SFMBT2: variants seen among roughly 807,000 people sequenced by gnomAD.
SFMBT2 encodes the protein scm-like with four MBT domains protein 2.
In SFMBT2, 38 loss-of-function variants were observed where a neutral mutation model predicts 110.1. The ratio of observed to expected loss-of-function variants is 0.35; its 90% confidence interval spans 0.27 to 0.45. The LOEUF is 0.45. Ranked by LOEUF, SFMBT2 falls within the 20% of genes least tolerant of loss-of-function variation. The pLI is 1.00. For synonymous variants in SFMBT2, 425 were observed against 425.4 expected, an observed-to-expected ratio of 1.00 and a Z score of 0.01; for missense variants, 1,011 against 1,094.9, an observed-to-expected ratio of 0.92 and a Z score of 1.08.
At chr10:7,359,224 C>T (rs763606490) in intron 4 of SFMBT2, among the ~76,000 whole-genome samples, 3 of 152,322 alleles carry the variant, frequency 2.0e-5, no homozygotes, top group South Asian at 2.1e-4. Flanking sequence ...TCATTCAGGA[C>T]GTTCAAAGGT....
chr10:7,259,867 T>C (rs12221452), intron 7 of SFMBT2, among the ~76,000 whole-genome samples: 81,572 of 151,646 alleles, frequency 0.54, 23,109 homozygotes, highest in East Asian at 0.84. Context: ...AACTGGAAAT[T>C]CACACTTACA....
chr10:7,221,930 C>T (rs1405356116), intron 10 of SFMBT2, among the ~76,000 whole-genome samples: 1 of 152,126 alleles, frequency 6.6e-6, no homozygotes, highest in Non-Finnish European at 1.5e-5. Context: ...GGTAATTAGT[C>T]CCTCCAAAGC....
chr10:7,307,357 G>C (rs1449725940), intron 4 of SFMBT2, among the ~76,000 whole-genome samples: 1 of 152,140 alleles, frequency 6.6e-6, no homozygotes, highest in African/African-American at 2.4e-5. Flanking sequence ...AAAATTATAT[G>C]GAAGTAAAGT....
intron 4 of SFMBT2, among the ~76,000 whole-genome samples, chr10:7,359,171 G>A (rs574175313): frequency 6.6e-6 from 1 of 152,380 alleles, no homozygotes; most frequent in East Asian, 1.9e-4. Flanking sequence ...CCTTGTCTGT[G>A]TAAAGCTGCC....
At chr10:7,228,770 CT>C (rs1564395557) in intron 9 of SFMBT2, among the ~76,000 whole-genome samples, 5 of 135,100 alleles carry the variant, frequency 3.7e-5, no homozygotes, top group South Asian at 3.0e-4. Flanking sequence ...CTCTCTCTCT[CT>C]CTCTCTCTCT....
At chr10:7,352,075 G>A (rs992038106) in intron 4 of SFMBT2, among the ~76,000 whole-genome samples, 2 of 152,052 alleles carry the variant, frequency 1.3e-5, no homozygotes, top group Non-Finnish European at 2.9e-5. Context: ...GCAGGCCTGA[G>A]GCCCTAGCTC....
Position 7,170,898 on chromosome 10 carries a change from C to T in SFMBT2, c.2544+30G>A. The T allele has an allele frequency of 6.2e-7, 1 of 1,613,850 alleles. No individual in the cohort carries two copies. Among genetic ancestry groups the T allele is most frequent in the Non-Finnish European group, 8.5e-7 (1 of 1,179,876 alleles). On this transcript the variant is annotated intron_variant, in intron 20 of 20. Transcript: ENST00000397167. This position sits in a 1 kb window ranked among gnomAD's most constrained non-coding sequence, Gnocchi z 4.6. ...TTTCAGATGCAGAGTCTCAGCACAT[C>T]AAACAATCGACACGCGGCAACCACC...
chr10:7,316,898 AC>A (rs1361578899), intron 4 of SFMBT2, among the ~76,000 whole-genome samples: 16 of 152,052 alleles, frequency 1.1e-4, no homozygotes, highest in African/African-American at 3.6e-4. Flanking sequence ...ACACACACAC[AC>A]ATGCAAACCA....
intron 4 of SFMBT2, among the ~76,000 whole-genome samples, chr10:7,289,405 CA>C (rs1842197716): frequency 6.6e-6 from 1 of 152,188 alleles, no homozygotes; most frequent in African/African-American, 2.4e-5. Context: ...GAAGTCACTG[CA>C]CAATGCTGAA....
At chr10:7,382,971 C>T (rs1013554667) in intron 1 of SFMBT2, among the ~76,000 whole-genome samples, 3 of 152,246 alleles carry the variant, frequency 2.0e-5, no homozygotes, top group Non-Finnish European at 2.9e-5. Context: ...TACCTGGCTC[C>T]GATGCTCAGA....
At chr10:7,373,353 A>C (rs1331697940) in intron 2 of SFMBT2, among the ~76,000 whole-genome samples, 2 of 152,238 alleles carry the variant, frequency 1.3e-5, no homozygotes, top group African/African-American at 2.4e-5. Flanking sequence ...CACCAGAATC[A>C]GGAGTTGAAT....
At chr10:7,236,054 G>A (rs1205571323) in intron 9 of SFMBT2, among the ~76,000 whole-genome samples, 1 of 152,020 alleles carries the variant, frequency 6.6e-6, no homozygotes, top group African/African-American at 2.4e-5. Context: ...AGTTTAGAAA[G>A]GTAGCTAGAT....
intron 4 of SFMBT2, among the ~76,000 whole-genome samples, chr10:7,305,019 C>T (rs1842652756): frequency 6.6e-6 from 1 of 152,188 alleles, no homozygotes; most frequent in Non-Finnish European, 1.5e-5. Flanking sequence ...GCATCAGCTC[C>T]TAGCTCAGAG....
chr10:7,278,245 G>T (rs891487680), intron 6 of SFMBT2, among the ~76,000 whole-genome samples: 3 of 152,184 alleles, frequency 2.0e-5, no homozygotes, highest in African/African-American at 4.8e-5. Context: ...CACTTCTGTG[G>T]AGACTGAAAG....
At chr10:7,190,150 C>T (rs999534707) in intron 15 of SFMBT2, among the ~76,000 whole-genome samples, 8 of 151,978 alleles carry the variant, frequency 5.3e-5, no homozygotes, top group African/African-American at 1.7e-4. Context: ...ATGTGGCTTG[C>T]CAAGGTGCTA....
intron 12 of SFMBT2, chr10:7,202,840 C>G: frequency 4.1e-6 from 4 of 985,366 alleles, no homozygotes; most frequent in Non-Finnish European, 4.8e-6. Context: ...ATGTTCAGAT[C>G]AATTGTTGCA....
At position 7,161,610 on chromosome 10, in the gene SFMBT2, T is replaced by C. The variant is rs1464078877; in HGVS notation, c.*2160A>G. 2 of 152,118 alleles carry C rather than the reference T, an allele frequency of 1.3e-5. No individual in the cohort carries two copies. The highest frequency in any genetic ancestry group is 4.8e-5 in the African/African-American group (2 of 41,398). The allele number at this position is 152,118 out of a possible 1,614,324, so 9.4% of individuals were successfully genotyped here. On this transcript the variant is annotated 3_prime_UTR_variant, in exon 21 of 21. Transcript: ENST00000397167. ...GCCAGCCACAGATCCCAGAGACATT[T>C]CTGTCGGGGTACAACTGACACACTC...
Position 7,323,470 on chromosome 10 carries a change from CA to C in SFMBT2, c.437-37517del, listed in dbSNP as rs34153060. Among the ~76,000 whole-genome samples the C allele has an allele frequency of 6.9e-3, 826 of 120,538 alleles. 2 individuals carry two copies. The highest frequency in any genetic ancestry group is 9.2e-3 in the Middle Eastern group (2 of 218). The allele number at this position is 120,538 out of a possible 152,430, so 79.1% of individuals were successfully genotyped here. A position where few individuals can be genotyped will look rare whatever the true frequency, so the allele number is the denominator to read the frequency against. On this transcript the variant is annotated intron_variant, in intron 4 of 20. Coordinates refer to ENST00000397167, the MANE Select transcript of SFMBT2 (RefSeq NM_001387889.1). ...CATCTCAAAAAAAAAAAAAAAAAAC[CA>C]AAAAAAAAAAAAATGAGGAAAATAA...
At chr10:7,401,057 C>A (rs114318111) in intron 1 of SFMBT2, among the ~76,000 whole-genome samples, 3 of 151,888 alleles carry the variant, frequency 2.0e-5, no homozygotes, top group Non-Finnish European at 4.4e-5. Flanking sequence ...TGCTTGAGCC[C>A]GGGAAATGGA....
Sources: gnomAD v4.1 joint callset for allele counts (sites outside exome capture counted in the v4.1 genomes callset) on GRCh38, gnomAD v4.1.1 for gene constraint, Gnocchi (gnomAD v3.1) non-coding constraint, MANE v1.5 for transcripts, NCBI Gene and HGNC (gene_info 2026-07-23, HGNC 2026-07-21) for gene names.